Variants in FOXN3 observed in about 807,000 individuals in gnomAD.
FOXN3 encodes forkhead box protein N3.
A neutral mutation model predicts 38.4 loss-of-function variants in FOXN3; 7 were observed. That is an observed-to-expected ratio of 0.18 (90% confidence interval 0.10 to 0.34). FOXN3 has a LOEUF of 0.34. FOXN3 is among the 10% of genes least tolerant of loss of function. The pLI is 1.00. For synonymous variants in FOXN3, 230 were observed against 242.2 expected (o/e 0.95, Z 0.47); for missense variants, 456 against 613.4 (o/e 0.74, Z 2.71).
At chr14:89,419,426 A>AG (rs1891845726), upstream of FOXN3, 3 of 325,444 alleles carry the variant, frequency 9.2e-6, no homozygotes, top group South Asian at 7.5e-5. Context: ...ATGAACTTTC[A>AG]GAAAGGACCC....
chr14:89,571,128 G>A (rs1464439908), intron 1 of FOXN3, among the ~76,000 whole-genome samples: 1 of 152,164 alleles, frequency 6.6e-6, no homozygotes, highest in Non-Finnish European at 1.5e-5. Flanking sequence ...CTAATCAGGT[G>A]TGCAGTCTGG....
rs922890219 is a variant in FOXN3, at chr14:89,541,835, T to C, written c.-15+77193A>G. On this transcript the variant is annotated intron_variant, in intron 1 of 6. Transcript: ENST00000345097. Reference sequence around the variant, plus strand: ...TAGCTGTACATCCTTGAGCAAACTTTTTCACTTCTCTGGTTTCCTTACTTG... The same window carrying C: ...TAGCTGTACATCCTTGAGCAAACTTCTTCACTTCTCTGGTTTCCTTACTTG... Among the ~76,000 whole-genome samples, 4 of 152,146 alleles carry C rather than the reference T, an allele frequency of 2.6e-5. 1 individual carries two copies. The highest frequency in any genetic ancestry group is 5.9e-5 in the Non-Finnish European group (4 of 68,024).
rs1039956845 is a variant in FOXN3, at chr14:89,332,637, T to C, written c.680+18035A>G. 4.6e-5 allele frequency among the ~76,000 whole-genome samples: 7 copies of C among 152,298 alleles called. No homozygotes were observed. The East Asian group carries it at 5.8e-4, about 13-fold the overall frequency. ...AACAAAGGGGGAAAACTCCATGACATTGGTCTTGGCGATGATTTTTTGGAT... is the reference window on the plus strand; with the variant it reads ...AACAAAGGGGGAAAACTCCATGACACTGGTCTTGGCGATGATTTTTTGGAT... On this transcript the variant is annotated intron_variant, in intron 3 of 5. Transcript: ENST00000557258.
chr14:89,569,476 C>T (rs528547454), intron 1 of FOXN3, among the ~76,000 whole-genome samples: 2 of 152,314 alleles, frequency 1.3e-5, no homozygotes, highest in South Asian at 4.1e-4. Flanking sequence ...CATGAGGCGG[C>T]TGTGTGATCA....
At chr14:89,516,806 G>C (rs1894214781) in intron 1 of FOXN3, among the ~76,000 whole-genome samples, 1 of 152,070 alleles carries the variant, frequency 6.6e-6, no homozygotes, top group Admixed American at 6.6e-5. Context: ...CAAGCGATCT[G>C]TCCACCTTGG....
At chr14:89,426,958 G>A (rs557161803) in intron 1 of FOXN3, among the ~76,000 whole-genome samples, 6 of 152,176 alleles carry the variant, frequency 3.9e-5, no homozygotes, top group South Asian at 2.1e-4. Context: ...AGGGCCGGGC[G>A]CGGTGGCTCA....
chr14:89,479,976 T>C lies in FOXN3; in HGVS notation c.-14-67486A>G, dbSNP rs141885644. The stretch of plus-strand genomic sequence containing the variant: ...GCTCCATTTATGACTCAAGCATACC[T>C]TTCCTTGGTATTAAGTAACAAGGAA... On this transcript the variant is annotated intron_variant, in intron 1 of 6. Coordinates refer to the FOXN3 transcript ENST00000345097. Among the ~76,000 whole-genome samples the C allele has an allele frequency of 3.4e-3, 516 of 152,338 alleles. 4 individuals carry two copies. The highest frequency in any genetic ancestry group is 0.012 in the African/African-American group (494 of 41,582).
intron 3 of FOXN3, chr14:89,290,972 C>T (rs1886851277): frequency 8.0e-6 from 3 of 376,786 alleles, no homozygotes; most frequent in South Asian, 4.5e-5. Flanking sequence ...GATGTGGGTG[C>T]TGCGGACCTG....
intron 2 of FOXN3, among the ~76,000 whole-genome samples, chr14:89,371,168 G>A (rs1890308449): frequency 6.6e-6 from 1 of 152,160 alleles, no homozygotes; most frequent in South Asian, 2.1e-4. Context: ...CAGGGTCAGA[G>A]AGGCTGCGAA....
intron 2 of FOXN3, among the ~76,000 whole-genome samples, chr14:89,352,739 C>G (rs1003042623): frequency 3.3e-5 from 5 of 152,172 alleles, no homozygotes; most frequent in Non-Finnish European, 7.3e-5. Flanking sequence ...TTAATCTTAA[C>G]GCTACAAAAA....
chr14:89,212,416 G>T (rs1001534870), intron 4 of FOXN3, among the ~76,000 whole-genome samples: 2 of 152,196 alleles, frequency 1.3e-5, no homozygotes, highest in Non-Finnish European at 2.9e-5. Flanking sequence ...GAGGTGAGGT[G>T]AGGCCCCCTT....
intron 4 of FOXN3, among the ~76,000 whole-genome samples, chr14:89,217,429 C>T (rs1298640752): frequency 3.3e-5 from 5 of 152,160 alleles, no homozygotes; most frequent in African/African-American, 1.2e-4. Flanking sequence ...CATGAGCCAC[C>T]ACGCCTGGCC....
intron 1 of FOXN3, among the ~76,000 whole-genome samples, chr14:89,587,964 T>C (rs1215417176): frequency 6.6e-6 from 1 of 151,690 alleles, no homozygotes; most frequent in Admixed American, 6.6e-5. Context: ...TTTTAGCATC[T>C]GATATAGTTT....
Position 89,156,491 on chromosome 14 carries a change from T to C in FOXN3, c.*5923A>G, listed in dbSNP as rs1456315565. The C allele has an allele frequency of 1.3e-5, 2 of 152,480 alleles. No individual in the cohort carries two copies. Among genetic ancestry groups the C allele is most frequent in the African/African-American group, 2.4e-5 (1 of 41,324 alleles). 9.4% of individuals were successfully genotyped at this position (152,480 alleles called of 1,614,324 possible). ...TCTATTCATGATATTGGCAGTTTCA[T>C]ACAGAAAATACAGAAAAAAAATTGG... On this transcript the variant is annotated 3_prime_UTR_variant, in exon 6 of 6. Coordinates refer to ENST00000557258, the MANE Select transcript of FOXN3 (RefSeq NM_005197.4).
At chr14:89,564,376 C>A (rs986350446) in intron 1 of FOXN3, among the ~76,000 whole-genome samples, 1 of 152,118 alleles carries the variant, frequency 6.6e-6, no homozygotes, top group Non-Finnish European at 1.5e-5. Flanking sequence ...ACTCAAATCT[C>A]GTCTCTGAAT....
intron 1 of FOXN3, among the ~76,000 whole-genome samples, chr14:89,474,824 A>T (rs8010632): frequency 0.45 from 68,718 of 151,734 alleles, 16,593 homozygotes; most frequent in African/African-American, 0.63. Flanking sequence ...TATTATTATT[A>T]TTTTTTCTTG....
At chr14:89,192,513 A>G (rs1311862950) in intron 4 of FOXN3, among the ~76,000 whole-genome samples, 1 of 139,240 alleles carries the variant, frequency 7.2e-6, no homozygotes, top group Non-Finnish European at 1.5e-5. Flanking sequence ...TATAAACTAT[A>G]TATTAGTTTA....
At chr14:89,343,821 G>A (rs1888689025) in intron 3 of FOXN3, among the ~76,000 whole-genome samples, 1 of 151,892 alleles carries the variant, frequency 6.6e-6, no homozygotes, top group South Asian at 2.1e-4. Context: ...GGAGTGCAAT[G>A]GTGCAATCTC....
intron 1 of FOXN3, among the ~76,000 whole-genome samples, chr14:89,573,318 T>C (rs1895533810): frequency 1.3e-5 from 2 of 152,176 alleles, no homozygotes; most frequent in African/African-American, 4.8e-5. Context: ...CATGGGCAGA[T>C]AAAGTCTAAT....
Sources: allele counts gnomAD v4.1 joint callset (sites outside exome capture counted in the v4.1 genomes callset), GRCh38; gene constraint gnomAD v4.1.1; transcripts MANE v1.5; gene names NCBI Gene and HGNC (gene_info 2026-07-23, HGNC 2026-07-21).